Variants in SMG6 observed in about 807,000 individuals in gnomAD.
The protein encoded by SMG6 is telomerase-binding protein EST1A.
A neutral mutation model predicts 142.2 loss-of-function variants in SMG6; 66 were observed. That is an observed-to-expected ratio of 0.46 (90% CI 0.38 to 0.57). SMG6 has a LOEUF of 0.57. Ranked by LOEUF, SMG6 falls within the 20% of genes least tolerant of loss-of-function variation. The pLI is 0.00. For synonymous variants in SMG6, 779 were observed against 702.4 expected, an observed-to-expected ratio of 1.11 and a Z score of -1.72; for missense variants, 1,793 against 1,832.0, an observed-to-expected ratio of 0.98 and a Z score of 0.39.
chr17:2,114,965 GAAATGAAATA>G (rs1346361491), intron 13 of SMG6, among the ~76,000 whole-genome samples: 10 of 60,648 alleles, frequency 1.6e-4, no homozygotes, highest in Non-Finnish European at 2.3e-4. Context: ...AAAATGAAAT[GAAATGAAATA>G]AAATAAAATA....
chr17:2,231,759 T>C (rs1050470427), intron 10 of SMG6, among the ~76,000 whole-genome samples: 7 of 136,744 alleles, frequency 5.1e-5, no homozygotes, highest in African/African-American at 2.0e-4. Context: ...AGTCAGGCTC[T>C]ACCTTAATCC....
At chr17:2,205,899 C>G (rs1041815674) in intron 10 of SMG6, among the ~76,000 whole-genome samples, 1 of 152,178 alleles carries the variant, frequency 6.6e-6, no homozygotes, top group African/African-American at 2.4e-5. Context: ...ACCTCTGCCT[C>G]CCGAGCTCAA....
intron 10 of SMG6, among the ~76,000 whole-genome samples, chr17:2,226,565 C>G (rs540639041): frequency 1.4e-5 from 2 of 147,160 alleles, no homozygotes; most frequent in Non-Finnish European, 3.0e-5. Flanking sequence ...GGCGACAGTA[C>G]GAGACTCTGT....
At chr17:2,160,559 G>C (rs1022086397) in intron 13 of SMG6, among the ~76,000 whole-genome samples, 8 of 152,166 alleles carry the variant, frequency 5.3e-5, no homozygotes, top group African/African-American at 1.9e-4. Flanking sequence ...GCTGGGTACA[G>C]TGGCTCATGC....
chr17:2,162,424 G>A (rs796588754), intron 13 of SMG6, among the ~76,000 whole-genome samples: 2 of 149,348 alleles, frequency 1.3e-5, no homozygotes, highest in Admixed American at 6.8e-5. Flanking sequence ...TGAGGCAGGA[G>A]AATGGTGTGA....
intron 13 of SMG6, among the ~76,000 whole-genome samples, chr17:2,135,841 A>ACCATGC (rs1297804099): frequency 1.3e-5 from 2 of 151,886 alleles, no homozygotes; most frequent in Non-Finnish European, 2.9e-5. Context: ...AGGCGCTACC[A>ACCATGC]CCATGCCCAG....
chr17:2,213,396 T>C (rs898308978), intron 10 of SMG6, among the ~76,000 whole-genome samples: 1 of 152,206 alleles, frequency 6.6e-6, no homozygotes, highest in Admixed American at 6.5e-5. Context: ...CTGTGGAGGC[T>C]GATCCACCCG....
chr17:2,125,893 C>T (rs2069859504), intron 13 of SMG6, among the ~76,000 whole-genome samples: 1 of 139,982 alleles, frequency 7.1e-6, no homozygotes, highest in Non-Finnish European at 1.5e-5. Context: ...GCAGAGGTTG[C>T]AGTGAGCTGA....
At chr17:2,132,595 G>A (rs1597443803) in intron 13 of SMG6, among the ~76,000 whole-genome samples, 1 of 152,260 alleles carries the variant, frequency 6.6e-6, no homozygotes, top group East Asian at 1.9e-4. Context: ...TAGAAACTTT[G>A]AGCCTCTGGA....
At chr17:2,197,301 C>A (rs1289765949) in intron 10 of SMG6, among the ~76,000 whole-genome samples, 1 of 152,130 alleles carries the variant, frequency 6.6e-6, no homozygotes, top group Non-Finnish European at 1.5e-5. Context: ...CGGTGGCTCA[C>A]GCCTATAATT....
intron 8 of SMG6, among the ~76,000 whole-genome samples, chr17:2,277,161 ATTTATTTTTTATTT>A (rs760273470): frequency 1.5e-5 from 1 of 65,136 alleles, no homozygotes; most frequent in Non-Finnish European, 3.2e-5. Context: ...TTATTTATTT[ATTTATTTTTTATTT>A]TTTTTTTTTT....
At chr17:2,268,755 C>CA (rs1160458182) in intron 8 of SMG6, among the ~76,000 whole-genome samples, 3 of 146,610 alleles carry the variant, frequency 2.0e-5, no homozygotes, top group Non-Finnish European at 4.5e-5. Flanking sequence ...ACTAAAAATA[C>CA]AAAAAAATTA....
intron 12 of SMG6, among the ~76,000 whole-genome samples, chr17:2,184,857 C>A (rs1353337104): frequency 7.4e-6 from 1 of 134,474 alleles, no homozygotes. Context: ...CCCAGCTACT[C>A]GGGAGGCTGA....
intron 10 of SMG6, among the ~76,000 whole-genome samples, chr17:2,192,830 G>A (rs1567672445): frequency 6.6e-6 from 1 of 152,232 alleles, no homozygotes; most frequent in African/African-American, 2.4e-5. Context: ...TAGCTGAAGA[G>A]GAGGTAGAGG....
At chr17:2,199,276 A>G (rs558960014) in intron 10 of SMG6, among the ~76,000 whole-genome samples, 2 of 152,350 alleles carry the variant, frequency 1.3e-5, no homozygotes, top group African/African-American at 4.8e-5. Flanking sequence ...TGTTTTCTTC[A>G]TAAAGGAAAC....
At chr17:2,297,051 G>T (rs535709914) in intron 4 of SMG6, among the ~76,000 whole-genome samples, 192 bp downstream of exon 4, 1 of 151,638 alleles carries the variant, frequency 6.6e-6, no homozygotes, top group East Asian at 1.9e-4. Context: ...AAAAAGGCTG[G>T]GGAGCACTGC....
chr17:2,138,584 TG>T (rs1198945830), intron 13 of SMG6, among the ~76,000 whole-genome samples: 3 of 152,186 alleles, frequency 2.0e-5, no homozygotes, highest in Non-Finnish European at 2.9e-5. Context: ...CCTAGCAGCA[TG>T]GGGTACAAAG....
chr17:2,195,734 T>G (rs2072304424), intron 10 of SMG6, among the ~76,000 whole-genome samples: 1 of 149,312 alleles, frequency 6.7e-6, no homozygotes, highest in African/African-American at 2.5e-5. Context: ...AAGGATTGCC[T>G]GAGTATTATT....
chr17:2,294,388 ATTCT>A (rs1414436036), intron 4 of SMG6, among the ~76,000 whole-genome samples: 1 of 152,134 alleles, frequency 6.6e-6, no homozygotes, highest in East Asian at 1.9e-4. Context: ...AACAAAACAA[ATTCT>A]TTCAAAGGCT....
Sources: gnomAD v4.1 joint callset for allele counts (sites outside exome capture counted in the v4.1 genomes callset) on GRCh38, gnomAD v4.1.1 for gene constraint, MANE v1.5 for transcripts, NCBI Gene and HGNC (gene_info 2026-07-23, HGNC 2026-07-21) for gene names.